The following PRRT1B variants were observed in gnomAD, a reference collection of about 807,000 sequenced individuals.
PRRT1B encodes the protein proline rich transmembrane protein 1B.
intron 1 of PRRT1B, among the ~76,000 whole-genome samples, chr9:131,547,497 C>T (rs535260540): frequency 1.2e-3 from 181 of 152,230 alleles, no homozygotes; most frequent in African/African-American, 4.1e-3. Flanking sequence ...TCCTATAAAA[C>T]GGCCCCACCC....
exon 1 of PRRT1B, chr9:131,545,588 G>T: frequency 5.0e-6 from 2 of 398,192 alleles, no homozygotes; most frequent in Non-Finnish European, 8.9e-6. Context: ...GAGCCGCGCA[G>T]CCCTTGCAGC....
At chr9:131,559,568 A>C (rs1951071790), downstream of PRRT1B, among the ~76,000 whole-genome samples, 1 of 152,242 alleles carries the variant, frequency 6.6e-6, no homozygotes, top group African/African-American at 2.4e-5. Flanking sequence ...CCCTGGCACC[A>C]GGGGCTGAAA....
intron 1 of PRRT1B, among the ~76,000 whole-genome samples, chr9:131,552,839 ATTTTTTTT>A (rs61662684): frequency 4.5e-5 from 6 of 133,800 alleles, no homozygotes; most frequent in Non-Finnish European, 7.9e-5. Flanking sequence ...CACCTGGTTA[ATTTTTTTT>A]TTTTTTTTTT....
exon 4 of PRRT1B, chr9:131,558,397 G>C (rs758030144): frequency 1.0e-5 from 4 of 391,688 alleles, no homozygotes; most frequent in African/African-American, 8.2e-5. Context: ...AGCCTCCACA[G>C]GTGGCCCACT....
intron 1 of PRRT1B, among the ~76,000 whole-genome samples, chr9:131,548,446 C>G (rs888149430): frequency 3.9e-5 from 6 of 152,120 alleles, no homozygotes; most frequent in African/African-American, 1.4e-4. Flanking sequence ...AATACAAACT[C>G]GACAGTGGTT....
At chr9:131,550,526 GT>G (rs1329941157) in intron 1 of PRRT1B, among the ~76,000 whole-genome samples, 2 of 152,072 alleles carry the variant, frequency 1.3e-5, no homozygotes, top group South Asian at 2.1e-4. Context: ...GAAAACACAC[GT>G]GCTCTCTCCC....
chr9:131,557,855 G>A (rs1047269949), intron 3 of PRRT1B, among the ~76,000 whole-genome samples, 198 bp from the exon 4 acceptor site: 5 of 152,276 alleles, frequency 3.3e-5, no homozygotes, highest in African/African-American at 1.2e-4. Context: ...TGCTGAGCGT[G>A]ACAAGCGCCT....
At position 131,554,972 on chromosome 9, in the gene PRRT1B, GC is replaced by G. The variant is rs1470969147; in HGVS notation, c.444del (p.Thr149ArgfsTer42). The G allele has an allele frequency of 5.1e-6, 2 of 392,128 alleles. No individual in the cohort carries two copies. The highest frequency in any genetic ancestry group is 9.0e-6 in the Non-Finnish European group (2 of 222,628). The allele number at this position is 392,128 out of a possible 1,614,324, so 24.3% of individuals were successfully genotyped here. A position where few individuals can be genotyped will look rare whatever the true frequency, so the allele number is the denominator to read the frequency against. On this transcript the variant is annotated frameshift_variant, in exon 2 of 4. Coordinates refer to ENST00000636672, the Ensembl canonical transcript of PRRT1B. LOFTEE classifies it high-confidence loss of function. ...CGCCCGCCCAGCTCTACCCAGCCGC[GC>G]CCACGCCGCCCGCGCTCTTCTCGCC...
chr9:131,546,920 G>A (rs1325221408), intron 1 of PRRT1B, among the ~76,000 whole-genome samples: 3 of 152,148 alleles, frequency 2.0e-5, no homozygotes, highest in Non-Finnish European at 4.4e-5. Flanking sequence ...TTAGAGTGGA[G>A]AGCTGACTCG....
intron 1 of PRRT1B, among the ~76,000 whole-genome samples, chr9:131,553,483 A>G (rs970189472): frequency 3.3e-5 from 5 of 152,214 alleles, no homozygotes; most frequent in African/African-American, 1.2e-4. Context: ...TGCAGGGGCC[A>G]TGAGTGAGCC....
chr9:131,547,705 C>G (rs533103531), intron 1 of PRRT1B, among the ~76,000 whole-genome samples: 52 of 152,262 alleles, frequency 3.4e-4, no homozygotes, highest in African/African-American at 1.2e-3. Flanking sequence ...TGAGAAAGAT[C>G]CACCTACGAC....
At chr9:131,555,171 C>G in intron 2 of PRRT1B, 142 bp downstream of exon 2, 3 of 330,060 alleles carry the variant, frequency 9.1e-6, no homozygotes, top group Non-Finnish European at 1.6e-5. Flanking sequence ...GGCATTTGAG[C>G]GGGGTTTTGG....
chr9:131,548,821 G>C (rs1056951302), intron 1 of PRRT1B, among the ~76,000 whole-genome samples: 4 of 151,980 alleles, frequency 2.6e-5, no homozygotes, highest in Non-Finnish European at 5.9e-5. Context: ...CCTCACACCC[G>C]GTCTGGCTTA....
chr9:131,558,130 C>T, exon 4 of PRRT1B: 1 of 401,078 alleles, frequency 2.5e-6, no homozygotes. Flanking sequence ...TGGTGCTCTT[C>T]AGCCTGCTCT....
rs1173113276 is a variant in PRRT1B, at chr9:131,551,763, C to G, written c.26-2794C>G. Among the ~76,000 whole-genome samples the G allele has an allele frequency of 6.6e-6, 1 of 151,924 alleles. No individual in the cohort carries two copies. Among genetic ancestry groups the G allele is most frequent in the African/African-American group, 2.4e-5 (1 of 41,396 alleles). The stretch of plus-strand genomic sequence containing the variant: ...ACCCCCACTCCTGCCCACCAGAGAA[C>G]AACCCCCTTTGACTGTAATTTTCCT... On this transcript the variant is annotated intron_variant, in intron 1 of 3. Transcript: ENST00000636672. The surrounding 1 kb of genome is among the most constrained non-coding windows in gnomAD (Gnocchi z 4.4).
chr9:131,549,282 G>A (rs183597722), intron 1 of PRRT1B, among the ~76,000 whole-genome samples: 16 of 152,302 alleles, frequency 1.1e-4, no homozygotes, highest in Middle Eastern at 3.4e-3. Context: ...CACATCTCCA[G>A]GACACAAGAA....
exon 4 of PRRT1B, chr9:131,558,558 T>C: frequency 5.3e-6 from 1 of 189,212 alleles, no homozygotes; most frequent in Non-Finnish European, 1.1e-5. Context: ...TGGGAGGCCA[T>C]CGTAGGGACC....
chr9:131,550,936 T>C (rs1219380652), intron 1 of PRRT1B, among the ~76,000 whole-genome samples: 2 of 84,664 alleles, frequency 2.4e-5, no homozygotes, highest in Non-Finnish European at 4.6e-5. Context: ...TTCTTTTCTT[T>C]TTCTTTTTTT....
chr9:131,549,948 A>G (rs1350893045), intron 1 of PRRT1B, among the ~76,000 whole-genome samples: 2 of 152,028 alleles, frequency 1.3e-5, no homozygotes, highest in African/African-American at 4.8e-5. Flanking sequence ...CCCAACCCAA[A>G]GCCTCCTTTG....
Sources: allele counts gnomAD v4.1 joint callset (sites outside exome capture counted in the v4.1 genomes callset), GRCh38; gene constraint gnomAD v4.1.1; non-coding constraint Gnocchi (gnomAD v3.1); transcripts MANE v1.5; gene names NCBI Gene and HGNC (gene_info 2026-07-23, HGNC 2026-07-21).